Variants in SNAPC1 observed in about 807,000 individuals in gnomAD.
SNAPC1 encodes the protein small nuclear RNA activating complex polypeptide 1.
In SNAPC1, 42 loss-of-function variants were observed where a neutral mutation model predicts 50.1. The observed-to-expected ratio is 0.84, with a 90% CI of 0.65 to 1.08. The LOEUF (loss-of-function observed/expected upper bound fraction) is 1.08, where lower values mean the gene tolerates loss of function less well. Among genes scored for constraint, SNAPC1 ranks in the 50% least tolerant of loss-of-function variants. The pLI, the probability that SNAPC1 is intolerant of heterozygous loss-of-function variation, is 0.00. For synonymous variants in SNAPC1, 164 were observed against 144.2 expected (o/e 1.14, Z -0.98); for missense variants, 477 against 427.3 (o/e 1.12, Z -1.02).
chr14:61,771,683 T>C (rs2044992502), intron 4 of SNAPC1, among the ~76,000 whole-genome samples: 1 of 152,104 alleles, frequency 6.6e-6, no homozygotes, highest in Admixed American at 6.6e-5. Flanking sequence ...GGAATGGTTG[T>C]ATATAGGAGA....
At chr14:61,783,651 T>G (rs1364509289) in intron 8 of SNAPC1, among the ~76,000 whole-genome samples, 1 of 150,718 alleles carries the variant, frequency 6.6e-6, no homozygotes, top group Non-Finnish European at 1.5e-5. Context: ...TTCTCCTGTC[T>G]GAGCCTCCCA....
At chr14:61,781,990 A>G (rs1162429954) in intron 7 of SNAPC1, among the ~76,000 whole-genome samples, 1 of 152,244 alleles carries the variant, frequency 6.6e-6, no homozygotes, top group African/African-American at 2.4e-5. Flanking sequence ...ATGCCAGATA[A>G]TAGAACAACT....
chr14:61,774,961 C>T (rs1273401918), intron 4 of SNAPC1, among the ~76,000 whole-genome samples: 1 of 151,966 alleles, frequency 6.6e-6, no homozygotes, highest in Non-Finnish European at 1.5e-5. Context: ...CTGTGCCTGG[C>T]CTAGTTTCTC....
chr14:61,779,031 T>G, intron 7 of SNAPC1, 121 bp downstream of exon 7: 1 of 594,518 alleles, frequency 1.7e-6, no homozygotes, highest in East Asian at 3.1e-5. Context: ...CTAGAGAGAT[T>G]ATATAGCACA....
Position 61,789,004 on chromosome 14 carries a change from A to T in SNAPC1, c.977-3803A>T, listed in dbSNP as rs1000756680. Among the ~76,000 whole-genome samples, 5 of 152,308 alleles carry T rather than the reference A, an allele frequency of 3.3e-5. No homozygotes were observed. In the East Asian group the frequency reaches 9.6e-4, roughly 29 times the overall value. On this transcript the variant is annotated intron_variant, in intron 8 of 9. Coordinates refer to ENST00000216294, the MANE Select transcript of SNAPC1 (RefSeq NM_003082.4). ...TCCCAGCACTTTGGGAGGCCGAGGC[A>T]GGCAGATCACAAGGTCAGGAGTTCA...
At chr14:61,773,290 A>G (rs1248890299) in intron 4 of SNAPC1, among the ~76,000 whole-genome samples, 2 of 152,008 alleles carry the variant, frequency 1.3e-5, no homozygotes, top group Non-Finnish European at 2.9e-5. Flanking sequence ...AATAATGGAC[A>G]TCGTGTGCTG....
Position 61,776,200 on chromosome 14 carries a change from G to A in SNAPC1, c.640G>A (p.Asp214Asn). 2 of 1,612,274 alleles carry A rather than the reference G, an allele frequency of 1.2e-6. No homozygotes were observed. Among genetic ancestry groups the A allele is most frequent in the Non-Finnish European group, 1.7e-6 (2 of 1,179,366 alleles). The change falls in exon 5 of 10, where the codon GAC becomes AAC. Residue 214 changes from aspartate (D) to asparagine (N), a missense_variant. Asp to Asn is a conservative substitution (Grantham distance 23). Coordinates refer to ENST00000216294, the MANE Select transcript of SNAPC1 (RefSeq NM_003082.4). ...CAGCTTGATAAAGGATGATTTTTTT[G>A]ACAATATTAAGAACATAGTTTTGGA... ...ALSLIKDDFF[D>N]NIKNIVLEHQ...
At chr14:61,769,126 G>A (rs576820421) in intron 4 of SNAPC1, among the ~76,000 whole-genome samples, 4 of 152,202 alleles carry the variant, frequency 2.6e-5, no homozygotes, top group African/African-American at 4.8e-5. Context: ...TTGGGAGGCC[G>A]AGGTGGGTGG....
rs2044912921 is a variant in SNAPC1, at chr14:61,762,515, C to T, written c.55C>T (p.Gln19Ter). 6.9e-7 allele frequency: 1 copy of T among 1,440,688 alleles called. No homozygotes were observed. Among genetic ancestry groups the T allele is most frequent in the African/African-American group, 1.7e-5 (1 of 60,318 alleles). 89.2% of individuals were successfully genotyped at this position (1,440,688 alleles called of 1,614,324 possible). The change falls in exon 1 of 10, where the codon CAG becomes TAG. Residue 19 changes from glutamine to a stop codon, truncating the protein, a stop_gained. Coordinates refer to ENST00000216294, the MANE Select transcript of SNAPC1 (RefSeq NM_003082.4). LOFTEE classifies it high-confidence loss of function. ...CTGCGAGGCGCTGCTCAGCCGCTTC[C>T]AGGAGACGGACAGTGTACGCTTCGA... ...TDCEALLSRF[Q>*]ETDSVRFEDF...
intron 8 of SNAPC1, among the ~76,000 whole-genome samples, chr14:61,783,017 ATTTTT>A (rs767793462): frequency 1.7e-5 from 2 of 115,258 alleles, no homozygotes; most frequent in Admixed American, 9.1e-5. Flanking sequence ...TTTCCAGTGC[ATTTTT>A]TTTTTTTTTT....
Position 61,791,952 on chromosome 14 carries a change from C to G in SNAPC1, c.977-855C>G, listed in dbSNP as rs536390818. Among the ~76,000 whole-genome samples, 4 of 151,950 alleles carry G rather than the reference C, an allele frequency of 2.6e-5. No homozygotes were observed. The South Asian group carries it at 8.3e-4, about 32-fold the overall frequency. ...AAAAAAGAAAATAGTGTTTCTGTTACACTTATTGTAGTGAACATCTTTCTG... is the reference window on the plus strand; with the variant it reads ...AAAAAAGAAAATAGTGTTTCTGTTAGACTTATTGTAGTGAACATCTTTCTG... On this transcript the variant is annotated intron_variant, in intron 8 of 9. Transcript: ENST00000216294.
Position 61,795,185 on chromosome 14 carries a change from G to T in SNAPC1, c.*202G>T, listed in dbSNP as rs2140188728. On this transcript the variant is annotated 3_prime_UTR_variant, in exon 10 of 10. Transcript: ENST00000216294. ...AGAATTCTTTAACATTTTCTTTAAT[G>T]ATTTGCATAAATGGAGATAAAACTT... 3.9e-6 allele frequency: 2 copies of T among 513,170 alleles called. No individual in the cohort carries two copies. Among genetic ancestry groups the T allele is most frequent in the South Asian group, 2.7e-5 (1 of 36,470 alleles). The allele number at this position is 513,170 out of a possible 1,614,324, so 31.8% of individuals were successfully genotyped here.
chr14:61,792,514 CAT>C (rs1293798613), intron 8 of SNAPC1, among the ~76,000 whole-genome samples: 13 of 152,234 alleles, frequency 8.5e-5, no homozygotes, highest in Admixed American at 2.6e-4. Flanking sequence ...TAACCCCTGT[CAT>C]GTGTGGTAAA....
At chr14:61,769,860 T>C (rs2044975310) in intron 4 of SNAPC1, among the ~76,000 whole-genome samples, 1 of 152,218 alleles carries the variant, frequency 6.6e-6, no homozygotes, top group Non-Finnish European at 1.5e-5. Context: ...AGAAAAGCAT[T>C]GCTTTGAGGT....
intron 8 of SNAPC1, among the ~76,000 whole-genome samples, chr14:61,785,324 G>A (rs1469410716): frequency 5.3e-5 from 8 of 152,116 alleles, no homozygotes; most frequent in African/African-American, 1.7e-4. Context: ...GCTTGAACCC[G>A]GGAGGCGGAG....
chr14:61,780,947 T>C (rs1594648769), intron 7 of SNAPC1, among the ~76,000 whole-genome samples: 1 of 152,314 alleles, frequency 6.6e-6, no homozygotes, highest in South Asian at 2.1e-4. Context: ...CATTATTCCT[T>C]GAATAATATG....
chr14:61,765,690 G>A (rs1594641856), intron 1 of SNAPC1, among the ~76,000 whole-genome samples: 1 of 152,200 alleles, frequency 6.6e-6, no homozygotes, highest in Admixed American at 6.5e-5. Flanking sequence ...TTTCCAGCTT[G>A]AGTTTTCCTT....
chr14:61,777,353 T>A (rs1270812297), intron 5 of SNAPC1, among the ~76,000 whole-genome samples: 1 of 152,202 alleles, frequency 6.6e-6, no homozygotes, highest in Non-Finnish European at 1.5e-5. Flanking sequence ...CTTAGGCATT[T>A]AATGTAAAAA....
chr14:61,790,357 A>G (rs1566593978), intron 8 of SNAPC1, among the ~76,000 whole-genome samples: 4 of 151,994 alleles, frequency 2.6e-5, no homozygotes, highest in South Asian at 2.1e-4. Context: ...TTTTTTTGAG[A>G]TGGAGTGTTG....
Sources: gnomAD v4.1 joint callset for allele counts (sites outside exome capture counted in the v4.1 genomes callset) on GRCh38, gnomAD v4.1.1 for gene constraint, MANE v1.5 for transcripts, NCBI Gene and HGNC (gene_info 2026-07-23, HGNC 2026-07-21) for gene names.